Variants in TGFB3 observed in about 807,000 individuals in gnomAD.
TGFB3 encodes the protein transforming growth factor beta 3.
Under a neutral mutation model 40.1 loss-of-function variants are expected in TGFB3, and 5 were observed. That is an observed-to-expected ratio of 0.12 (90% CI 0.07 to 0.26). TGFB3 has a LOEUF of 0.26. TGFB3 is among the 10% of genes least tolerant of loss of function. TGFB3 has a pLI of 1.00. For synonymous variants in TGFB3, 184 were observed against 205.6 expected (o/e 0.89, Z 0.90); for missense variants, 373 against 530.1 (o/e 0.70, Z 2.91).
intron 3 of TGFB3, among the ~76,000 whole-genome samples, chr14:75,969,479 T>G (rs141720180): frequency 1.2e-4 from 18 of 152,344 alleles, no homozygotes; most frequent in African/African-American, 4.3e-4. Flanking sequence ...ACTTAACTTC[T>G]CTCGGCCTGT....
At chr14:75,975,153 A>G (rs1369347629) in intron 1 of TGFB3, among the ~76,000 whole-genome samples, 2 of 152,076 alleles carry the variant, frequency 1.3e-5, no homozygotes, top group Non-Finnish European at 2.9e-5. Flanking sequence ...GGATCACTGG[A>G]GGTCAGGAGT....
rs563214795 is a variant in TGFB3, at chr14:75,978,414, G to A, written c.352+2128C>T. On this transcript the variant is annotated intron_variant, in intron 1 of 6. Transcript: ENST00000238682. This position sits in a 1 kb window ranked among gnomAD's most constrained non-coding sequence, Gnocchi z 5.0. ...TTGTGTGTCTGCCTCTCTGGGGTGGGCTCAGCACCCGACCAGCTGCAGGGC... is the reference window on the plus strand; with the variant it reads ...TTGTGTGTCTGCCTCTCTGGGGTGGACTCAGCACCCGACCAGCTGCAGGGC... Among the ~76,000 whole-genome samples, 1 of 152,154 alleles carries A rather than the reference G, an allele frequency of 6.6e-6. No individual in the cohort carries two copies. The highest frequency in any genetic ancestry group is 1.5e-5 in the Non-Finnish European group (1 of 68,030).
At chr14:75,961,445 C>G (rs1438066556) in intron 5 of TGFB3, among the ~76,000 whole-genome samples, 1 of 152,200 alleles carries the variant, frequency 6.6e-6, no homozygotes, top group Non-Finnish European at 1.5e-5. Context: ...TTTTACCCTC[C>G]TAATGTGCAC....
At chr14:75,975,749 G>A (rs2140249638) in intron 1 of TGFB3, among the ~76,000 whole-genome samples, 1 of 152,280 alleles carries the variant, frequency 6.6e-6, no homozygotes, top group East Asian at 1.9e-4. Context: ...CTTCAAGCTG[G>A]GAGGGATCTG....
rs2035113385 is a variant in TGFB3, at chr14:75,958,513, C to A, written c.*674G>T. 1.3e-5 allele frequency: 2 copies of A among 154,510 alleles called. 1 individual carries two copies. Among genetic ancestry groups the A allele is most frequent in the South Asian group, 4.0e-4 (2 of 4,960 alleles). 9.6% of individuals were successfully genotyped at this position (154,510 alleles called of 1,614,324 possible). ...AGGAGAGGGTTGATTTCCACCCTTTCTTCTGCGTTCAGCATATCCAAAAGG... is the reference window on the plus strand; with the variant it reads ...AGGAGAGGGTTGATTTCCACCCTTTATTCTGCGTTCAGCATATCCAAAAGG... On this transcript the variant is annotated 3_prime_UTR_variant, in exon 7 of 7. Coordinates refer to ENST00000238682, the MANE Select transcript of TGFB3 (RefSeq NM_003239.5).
chr14:75,974,869 T>C (rs1294470221), intron 1 of TGFB3, among the ~76,000 whole-genome samples: 1 of 151,814 alleles, frequency 6.6e-6, no homozygotes, highest in Non-Finnish European at 1.5e-5. Flanking sequence ...GGTGGGTGGA[T>C]TGCTTGAGCT....
intron 4 of TGFB3, among the ~76,000 whole-genome samples, chr14:75,965,083 G>A (rs111955808): frequency 2.0e-5 from 3 of 152,168 alleles, no homozygotes; most frequent in Non-Finnish European, 2.9e-5. Flanking sequence ...CCTGAGGCTC[G>A]AAGCAATCAT....
rs1240399314 is a variant in TGFB3 at position 75,978,299 on chromosome 14, C to G, written c.352+2243G>C. Among the ~76,000 whole-genome samples, 1 of 152,184 alleles carries G rather than the reference C, an allele frequency of 6.6e-6. No individual in the cohort carries two copies. The highest frequency in any genetic ancestry group is 2.1e-4 in the South Asian group (1 of 4,828). ...GAGTTAAAGACAGGCTTCCTTCCCCCACCCCGCCCCGCCGCCTTGCAAGCC... is the reference window on the plus strand; with the variant it reads ...GAGTTAAAGACAGGCTTCCTTCCCCGACCCCGCCCCGCCGCCTTGCAAGCC... On this transcript the variant is annotated intron_variant, in intron 1 of 6. Coordinates refer to ENST00000238682, the MANE Select transcript of TGFB3 (RefSeq NM_003239.5). This position sits in a 1 kb window ranked among gnomAD's most constrained non-coding sequence, Gnocchi z 5.0.
At chr14:75,975,382 AAATT>A (rs934884708) in intron 1 of TGFB3, among the ~76,000 whole-genome samples, 4 of 152,044 alleles carry the variant, frequency 2.6e-5, no homozygotes, top group African/African-American at 9.7e-5. Flanking sequence ...ATTAAAATTA[AAATT>A]AATTAAAAAA....
chr14:75,966,470 G>A (rs1595341008), intron 3 of TGFB3: 1 of 153,014 alleles, frequency 6.5e-6, no homozygotes, highest in East Asian at 1.9e-4. Context: ...TTTCTTCTTT[G>A]GGAATCCTTG....
chr14:75,961,922 G>A (rs1225781896), intron 5 of TGFB3, among the ~76,000 whole-genome samples: 3 of 152,164 alleles, frequency 2.0e-5, no homozygotes, highest in Non-Finnish European at 4.4e-5. Flanking sequence ...ATCAGACAAG[G>A]AGAAGTATGC....
At chr14:75,966,377 GAGATA>G (rs2035221624) in intron 3 of TGFB3, 1 of 155,968 alleles carries the variant, frequency 6.4e-6, no homozygotes, top group African/African-American at 2.4e-5. Flanking sequence ...GATTCTAGAA[GAGATA>G]AGATGAAGAT....
chr14:75,964,876 A>G (rs1485716056), intron 4 of TGFB3, among the ~76,000 whole-genome samples: 1 of 152,216 alleles, frequency 6.6e-6, no homozygotes, highest in Middle Eastern at 3.2e-3. Context: ...GAGCCAAAAG[A>G]GGCCTGCACC....
chr14:75,969,602 G>C (rs3917180), intron 3 of TGFB3, among the ~76,000 whole-genome samples: 8,562 of 152,196 alleles, frequency 0.056, 268 homozygotes, highest in South Asian at 0.082. Flanking sequence ...CATAGAGGAG[G>C]AACCATTGCC....
chr14:75,963,208 A>C, intron 5 of TGFB3, 108 bp downstream of exon 5: 1 of 1,227,416 alleles, frequency 8.1e-7, no homozygotes, highest in Non-Finnish European at 1.2e-6. Flanking sequence ...ATGTTTGTGA[A>C]TAGCATCAGG....
rs2035159765 is a variant in TGFB3, at chr14:75,961,832, TAC to T, written c.927-758_927-757del. ...TCCCTTCTCCCTTGTGACATCCCAT[TAC>T]AGAGTCGAAAACACCAGATGCTCCT... On this transcript the variant is annotated intron_variant, in intron 5 of 6. Coordinates refer to ENST00000238682, the MANE Select transcript of TGFB3 (RefSeq NM_003239.5). Among the ~76,000 whole-genome samples the T allele has an allele frequency of 2.0e-5, 3 of 152,156 alleles. No homozygotes were observed. The South Asian group carries it at 6.2e-4, about 32-fold the overall frequency.
At chr14:75,982,515 T>C (rs1157583531), upstream of TGFB3, among the ~76,000 whole-genome samples, 1 of 152,158 alleles carries the variant, frequency 6.6e-6, no homozygotes, top group Admixed American at 6.5e-5. This position sits in a 1 kb window ranked among gnomAD's most constrained non-coding sequence, Gnocchi z 4.0. Flanking sequence ...CGATTCTTCA[T>C]TGACAAGATC....
In TGFB3 at chr14:75,980,750, C is replaced by T. The variant is rs1479160942; in HGVS notation, c.144G>A (p.Leu48=). ...KRVEAIRGQI[L]SKLRLTSPPE... ...GGGGGCTGGTGAGCCTGAGCTTGCT[C>T]AAGATCTGTCCCCTAATGGCTTCCA... The change falls in exon 1 of 7, where the codon TTG becomes TTA. Residue 48 remains leucine (L), a synonymous_variant. Coordinates refer to ENST00000238682, the MANE Select transcript of TGFB3 (RefSeq NM_003239.5). The surrounding 1 kb of genome is among the most constrained non-coding windows in gnomAD (Gnocchi z 4.3). The T allele has an allele frequency of 1.9e-6, 3 of 1,614,174 alleles. No homozygotes were observed. Among genetic ancestry groups the T allele is most frequent in the East Asian group, 2.2e-5 (1 of 44,878 alleles).
At chr14:75,969,740 GTTC>G (rs1158928387) in intron 3 of TGFB3, among the ~76,000 whole-genome samples, 1 of 152,108 alleles carries the variant, frequency 6.6e-6, no homozygotes, top group Non-Finnish European at 1.5e-5. Flanking sequence ...AACAGAACCT[GTTC>G]TTCTCCTAGG....
Sources: allele counts gnomAD v4.1 joint callset (sites outside exome capture counted in the v4.1 genomes callset), GRCh38; gene constraint gnomAD v4.1.1; non-coding constraint Gnocchi (gnomAD v3.1); transcripts MANE v1.5; gene names NCBI Gene and HGNC (gene_info 2026-07-23, HGNC 2026-07-21).